CAST: variants seen among roughly 807,000 people sequenced by gnomAD.
The protein encoded by CAST is MIR583 host.
In CAST, 76 loss-of-function variants were observed where a neutral mutation model predicts 119.6. The observed-to-expected ratio is 0.64, with a 90% CI of 0.53 to 0.77. CAST has a LOEUF of 0.77. Ranked by LOEUF, CAST falls within the 30% of genes least tolerant of loss-of-function variation. The pLI, the probability that CAST is intolerant of heterozygous loss-of-function variation, is 0.00. For synonymous variants in CAST, 319 were observed against 331.6 expected (o/e 0.96, Z 0.41); for missense variants, 953 against 946.5 (o/e 1.01, Z -0.09).
chr5:96,685,046 A>G (rs1751917078), intron 2 of CAST, among the ~76,000 whole-genome samples: 2 of 150,816 alleles, frequency 1.3e-5, no homozygotes, highest in South Asian at 2.1e-4. Context: ...GAGAGAATAT[A>G]TAAATATATA....
At chr5:96,296,131 A>C in the CAST span, among the ~76,000 whole-genome samples, 3 of 152,220 alleles carry the variant, frequency 2.0e-5, no homozygotes, top group African/African-American at 7.2e-5. Context: ...GTATTATTTC[A>C]AGTATAAAAC....
At chr5:96,302,728 C>A in the CAST span, among the ~76,000 whole-genome samples, 7 of 152,214 alleles carry the variant, frequency 4.6e-5, no homozygotes, top group Non-Finnish European at 1.0e-4. Context: ...GCAAGAAGGA[C>A]CTTTATTCCA....
At chr5:96,002,904 C>G in the CAST span, among the ~76,000 whole-genome samples, 2 of 152,154 alleles carry the variant, frequency 1.3e-5, no homozygotes, top group Admixed American at 1.3e-4. Flanking sequence ...TAATATACTA[C>G]CTTTTCACTG....
the CAST span, among the ~76,000 whole-genome samples, chr5:96,237,747 T>C: frequency 6.6e-6 from 1 of 152,122 alleles, no homozygotes; most frequent in African/African-American, 2.4e-5. Flanking sequence ...TTTTTAACAA[T>C]TAAAAAAATC....
chr5:96,427,026 A>T, the CAST span, among the ~76,000 whole-genome samples: 3 of 152,310 alleles, frequency 2.0e-5, no homozygotes, highest in South Asian at 6.2e-4. Context: ...GCTGCCTATC[A>T]TCTGAGTTGA....
the CAST span, among the ~76,000 whole-genome samples, chr5:96,127,899 G>A: frequency 2.6e-5 from 4 of 152,006 alleles, no homozygotes; most frequent in Non-Finnish European, 5.9e-5. Flanking sequence ...TGCCTCATGC[G>A]ACTGAACTAT....
chr5:96,071,931 T>C, the CAST span, among the ~76,000 whole-genome samples: 3 of 152,200 alleles, frequency 2.0e-5, no homozygotes, highest in African/African-American at 7.2e-5. Context: ...GACCGGTACA[T>C]GGGTACATAA....
chr5:96,499,490 G>C, the CAST span, among the ~76,000 whole-genome samples: 1 of 152,238 alleles, frequency 6.6e-6, no homozygotes, highest in African/African-American at 2.4e-5. Context: ...TCTGTGAGTT[G>C]TAATCTTTTT....
the CAST span, among the ~76,000 whole-genome samples, chr5:96,313,894 A>G: frequency 6.6e-6 from 1 of 152,168 alleles, no homozygotes; most frequent in Admixed American, 6.5e-5. Flanking sequence ...ACATCAAATA[A>G]TTGAAGGTGT....
In CAST at chr5:96,622,857, C is replaced by CTTTTTTTTTTTTTTTT. The variant is rs5869727; in HGVS notation, c.61-52673_61-52658dup. On this transcript the variant is annotated intron_variant, in intron 1 of 11. Transcript: ENST00000505143. ...TAAGAAGTTAAGGACTTATGGGACTCTTTTTTTTTTTTTTTTTTTTTTTTG... is the reference window on the plus strand; with the variant it reads ...TAAGAAGTTAAGGACTTATGGGACTCTTTTTTTTTTTTTTTTTTTTTTTTTTTTTTTTTTTTTTTTG... Among the ~76,000 whole-genome samples the CTTTTTTTTTTTTTTTT allele has an allele frequency of 1.1e-4, 7 of 64,474 alleles. 1 individual carries two copies. Among genetic ancestry groups the CTTTTTTTTTTTTTTTT allele is most frequent in the African/African-American group, 3.6e-4 (5 of 13,848 alleles). 42.3% of individuals were successfully genotyped at this position (64,474 alleles called of 152,430 possible). A position where few individuals can be genotyped will look rare whatever the true frequency, so the allele number is the denominator to read the frequency against.
chr5:96,363,859 C>T, the CAST span, among the ~76,000 whole-genome samples: 3 of 152,264 alleles, frequency 2.0e-5, no homozygotes, highest in South Asian at 4.2e-4. Context: ...GCCAGAACTT[C>T]CAACATTATG....
the CAST span, among the ~76,000 whole-genome samples, chr5:96,443,964 A>T: frequency 1.3e-5 from 2 of 152,194 alleles, no homozygotes; most frequent in African/African-American, 2.4e-5. Flanking sequence ...TCTTGTCAAA[A>T]TTTTTCCAGC....
At chr5:96,750,533 T>A in intron 19 of CAST, 54 bp from the exon 20 acceptor site, 3 of 1,136,808 alleles carry the variant, frequency 2.6e-6, no homozygotes, top group Non-Finnish European at 2.7e-6. Flanking sequence ...CATTACTCAG[T>A]CTTATTAACC....
At chr5:96,146,409 G>T in the CAST span, among the ~76,000 whole-genome samples, 1 of 152,238 alleles carries the variant, frequency 6.6e-6, no homozygotes, top group African/African-American at 2.4e-5. Context: ...AATGCAGATT[G>T]CTAGGACCCA....
At chr5:96,668,245 T>G (rs952464427) in intron 1 of CAST, among the ~76,000 whole-genome samples, 2 of 152,174 alleles carry the variant, frequency 1.3e-5, no homozygotes, top group Non-Finnish European at 2.9e-5. Context: ...CTGTAGTTTG[T>G]TGGGAAAATG....
chr5:96,043,184 T>C, the CAST span, among the ~76,000 whole-genome samples: 3 of 152,222 alleles, frequency 2.0e-5, no homozygotes, highest in Admixed American at 2.0e-4. Context: ...TATCCTTTAC[T>C]TGGCAGATCA....
At chr5:96,686,814 G>C (rs1004584250) in intron 2 of CAST, among the ~76,000 whole-genome samples, 1 of 152,208 alleles carries the variant, frequency 6.6e-6, no homozygotes, top group Non-Finnish European at 1.5e-5. Flanking sequence ...TTAAACAATA[G>C]TAAGGCAGAC....
chr5:96,417,997 C>T, the CAST span, among the ~76,000 whole-genome samples: 1 of 152,198 alleles, frequency 6.6e-6, no homozygotes, highest in Non-Finnish European at 1.5e-5. Context: ...GGTCTTCAGC[C>T]TGAGCCAACA....
In CAST at chr5:96,655,911, G is replaced by A. The variant is rs187260338; in HGVS notation, c.61-19628G>A. 2.5e-3 allele frequency among the ~76,000 whole-genome samples: 382 copies of A among 152,326 alleles called. 2 individuals are homozygous for A. Among genetic ancestry groups the A allele is most frequent in the Non-Finnish European group, 3.8e-3 (260 of 68,026 alleles). ...GCTGAACAGTGCACCAGAAATGCAG[G>A]TAGCATTATCTTCATGTGTCTCAGA... On this transcript the variant is annotated intron_variant, in intron 1 of 11. Coordinates refer to the CAST transcript ENST00000505143.
Sources: allele counts gnomAD v4.1 joint callset (sites outside exome capture counted in the v4.1 genomes callset), GRCh38; gene constraint gnomAD v4.1.1; transcripts MANE v1.5; gene names NCBI Gene and HGNC (gene_info 2026-07-23, HGNC 2026-07-21).